The following GCSAML variants were observed in gnomAD, a reference collection of about 807,000 sequenced individuals.
The protein encoded by GCSAML is germinal center associated signaling and motility like.
A neutral mutation model predicts 13.0 loss-of-function variants in GCSAML; 9 were observed. The observed-to-expected ratio is 0.69, with a 90% CI of 0.42 to 1.21. GCSAML has a LOEUF of 1.21. Among genes scored for constraint, GCSAML ranks in the 50% most tolerant of loss-of-function variants. GCSAML has a pLI of 0.00. For missense variants in GCSAML, 143 were observed against 153.4 expected (o/e 0.93, Z 0.36); for synonymous variants, 37 against 52.9 (o/e 0.70, Z 1.31).
chr1:247,560,007 T>C (rs1668069865), intron 2 of GCSAML, among the ~76,000 whole-genome samples: 1 of 152,182 alleles, frequency 6.6e-6, no homozygotes, highest in Admixed American at 6.5e-5. Context: ...ATTTAGTTCA[T>C]GAGAGATGTC....
Position 247,519,691 on chromosome 1 carries a change from A to T in GCSAML, c.-262-7249A>T, listed in dbSNP as rs543529049. 2.0e-5 allele frequency among the ~76,000 whole-genome samples: 3 copies of T among 152,368 alleles called. No homozygotes were observed. In the East Asian group the frequency reaches 5.8e-4, roughly 29 times the overall value. On this transcript the variant is annotated intron_variant, in intron 1 of 5. Transcript: ENST00000366489. ...ATGCATGGTAGTGAGTCAGTTGTGT[A>T]TATGTGTGTGTGAAATGTGTTTCTT...
chr1:247,516,168 C>A (rs999921838), intron 1 of GCSAML, among the ~76,000 whole-genome samples: 3 of 152,196 alleles, frequency 2.0e-5, no homozygotes, highest in African/African-American at 7.2e-5. Flanking sequence ...CATGTCAATA[C>A]GGCAGGACCA....
Position 247,512,804 on chromosome 1 carries a change from G to A in GCSAML, c.-263+5571G>A, listed in dbSNP as rs150776047. 4.1e-3 allele frequency among the ~76,000 whole-genome samples: 618 copies of A among 152,134 alleles called. 3 individuals are homozygous for A. Among genetic ancestry groups the A allele is most frequent in the Middle Eastern group, 0.038 (11 of 292 alleles). On this transcript the variant is annotated intron_variant, in intron 1 of 5. Transcript: ENST00000366489. ...ATCTGCTGGAGTTTGCTGGGGGTCC[G>A]CTCGAGATCCTGTTTGCCTGGTTAT...
Position 247,563,576 on chromosome 1 carries a change from C to T in GCSAML, c.90-14C>T. 1 of 1,549,032 alleles carries T rather than the reference C, an allele frequency of 6.5e-7. No homozygotes were observed. The highest frequency in any genetic ancestry group is 8.9e-7 in the Non-Finnish European group (1 of 1,123,642). ...AACCTGGAGTATCTCATGTTACTATCTCTTTCCTTGTAGGCAGGAAATGAC... is the reference window on the plus strand; with the variant it reads ...AACCTGGAGTATCTCATGTTACTATTTCTTTCCTTGTAGGCAGGAAATGAC... On this transcript the variant is annotated splice_polypyrimidine_tract_variant and intron_variant, in intron 2 of 4. Coordinates refer to ENST00000366488, the MANE Select transcript of GCSAML (RefSeq NM_145278.5).
chr1:247,522,271 C>CCAGCCGCCCCGACCGGGAGGGAGG (rs1168642172), intron 1 of GCSAML, among the ~76,000 whole-genome samples: 1 of 111,126 alleles, frequency 9.0e-6, no homozygotes, highest in Admixed American at 8.8e-5. Context: ...CCCCACCCGG[C>CCAGCCGCCCCGACCGGGAGGGAGG]TAGCCGCCCT....
intron 2 of GCSAML, among the ~76,000 whole-genome samples, chr1:247,563,070 G>C (rs573229486): frequency 8.7e-4 from 129 of 148,864 alleles, no homozygotes; most frequent in Non-Finnish European, 1.5e-3. Context: ...GGAAGGTCTC[G>C]ATCTCCTAAC....
intron 2 of GCSAML, chr1:247,532,365 G>A (rs1667016721): frequency 6.2e-7 from 1 of 1,613,956 alleles, no homozygotes; most frequent in Non-Finnish European, 8.5e-7. Flanking sequence ...CTGTATGGGA[G>A]ACCAGAATGA....
chr1:247,517,007 A>G (rs1666234817), intron 1 of GCSAML, among the ~76,000 whole-genome samples: 1 of 152,188 alleles, frequency 6.6e-6, no homozygotes, highest in Admixed American at 6.5e-5. Flanking sequence ...CTCTACAATG[A>G]TCCTGATTAT....
At chr1:247,548,932 C>G, upstream of GCSAML, 3 of 691,522 alleles carry the variant, frequency 4.3e-6, no homozygotes, top group Non-Finnish European at 6.7e-6. The surrounding 1 kb of genome is among the most constrained non-coding windows in gnomAD (Gnocchi z 5.3). Flanking sequence ...CACTGTATGC[C>G]CACGCGTGTG....
upstream of GCSAML, among the ~76,000 whole-genome samples, chr1:247,546,079 A>G (rs1380033302): frequency 6.6e-6 from 1 of 152,226 alleles, no homozygotes; most frequent in Non-Finnish European, 1.5e-5. Context: ...CAAATTATGT[A>G]CATTAATTAT....
intron 2 of GCSAML, chr1:247,532,350 C>T: frequency 1.2e-6 from 2 of 1,614,066 alleles, no homozygotes; most frequent in African/African-American, 2.7e-5. Context: ...TGTGGAGGTG[C>T]ACATCTGTAT....
chr1:247,542,096 G>A (rs772538785), intron 2 of GCSAML, among the ~76,000 whole-genome samples: 6 of 151,542 alleles, frequency 4.0e-5, no homozygotes, highest in East Asian at 1.9e-4. Context: ...TTTTCATACC[G>A]CAACTAATTT....
At chr1:247,529,598 T>C (rs1348920314) in intron 2 of GCSAML, 4 of 152,172 alleles carry the variant, frequency 2.6e-5, no homozygotes, top group African/African-American at 9.7e-5. Context: ...AGTTGAAGAA[T>C]GTTGCTTCAC....
chr1:247,570,122 G>T (rs749074441), intron 4 of GCSAML, among the ~76,000 whole-genome samples: 4 of 152,066 alleles, frequency 2.6e-5, no homozygotes, highest in Non-Finnish European at 5.9e-5. Flanking sequence ...CTGGCTAGTG[G>T]TCTATCTGTT....
chr1:247,544,489 T>G (rs544014917), upstream of GCSAML, among the ~76,000 whole-genome samples: 19 of 152,322 alleles, frequency 1.2e-4, no homozygotes, highest in African/African-American at 3.9e-4. Flanking sequence ...GCAAATATAT[T>G]GTGACCACAA....
At chr1:247,532,673 G>T in intron 2 of GCSAML, 1 of 705,396 alleles carries the variant, frequency 1.4e-6, no homozygotes, top group Non-Finnish European at 2.3e-6. Context: ...TGTTGCCCGG[G>T]CTAACTTCAA....
At chr1:247,547,783 C>A (rs1272500705), upstream of GCSAML, among the ~76,000 whole-genome samples, 4 of 152,064 alleles carry the variant, frequency 2.6e-5, no homozygotes, top group Non-Finnish European at 1.5e-5. Flanking sequence ...GTTAGAAAGG[C>A]AAAATATTGA....
intron 1 of GCSAML, among the ~76,000 whole-genome samples, chr1:247,516,051 G>C (rs1272632063): frequency 6.6e-6 from 1 of 152,152 alleles, no homozygotes; most frequent in African/African-American, 2.4e-5. Flanking sequence ...CAGCAAAAAT[G>C]GCAGAGGAAG....
intron 1 of GCSAML, chr1:247,525,367 C>G (rs946603133): frequency 3.9e-5 from 6 of 151,964 alleles, no homozygotes; most frequent in Non-Finnish European, 2.9e-5. Context: ...GTTTCCAATA[C>G]CAATTATAAG....
Sources: gnomAD v4.1 joint callset for allele counts (sites outside exome capture counted in the v4.1 genomes callset) on GRCh38, gnomAD v4.1.1 for gene constraint, Gnocchi (gnomAD v3.1) non-coding constraint, MANE v1.5 for transcripts, NCBI Gene and HGNC (gene_info 2026-07-23, HGNC 2026-07-21) for gene names.